APOLD1: variants seen among roughly 807,000 people sequenced by gnomAD.
The protein encoded by APOLD1 is apolipoprotein L domain containing 1.
A neutral mutation model predicts 15.3 loss-of-function variants in APOLD1; 22 were observed. The ratio of observed to expected loss-of-function variants is 1.44; its 90% CI spans 1.03 to 2.05. The LOEUF (loss-of-function observed/expected upper bound fraction) is 2.05, where lower values mean the gene tolerates loss of function less well. Ranked by LOEUF, APOLD1 falls within the 30% of genes most tolerant of loss-of-function variation. The pLI is 0.00. For synonymous variants in APOLD1, 190 were observed against 167.4 expected, an observed-to-expected ratio of 1.13 and a Z score of -1.04; for missense variants, 394 against 353.5, an observed-to-expected ratio of 1.11 and a Z score of -0.92.
At position 12,786,972 on chromosome 12, in the gene APOLD1, C is replaced by T. The variant is rs1418913058; in HGVS notation, c.67C>T (p.Leu23=). The T allele has an allele frequency of 7.5e-6, 11 of 1,457,588 alleles. No homozygotes were observed. In the Admixed American group the frequency reaches 1.9e-4, roughly 25 times the overall value. 90.3% of individuals were successfully genotyped at this position (1,457,588 alleles called of 1,614,324 possible). The part of the protein sequence containing the change: ...GPDALRRFQG[L]LLDRRGRLHG... ...CGACGCGCTGCGGCGCTTCCAGGGA[C>T]TGCTGCTGGACCGCCGAGGCCGGCT... The change falls in exon 2 of 2, where the codon CTG becomes TTG. Residue 23 remains leucine (L), a synonymous_variant. Coordinates refer to ENST00000356591, the MANE Select transcript of APOLD1 (RefSeq NM_030817.3).
intron 1 of APOLD1, among the ~76,000 whole-genome samples, chr12:12,739,324 T>C (rs1277028485): frequency 6.6e-6 from 1 of 152,232 alleles, no homozygotes; most frequent in African/African-American, 2.4e-5. Context: ...ATCGAGAAGA[T>C]GAGTGTTCTT....
chr12:12,779,796 C>T (rs1037016529), intron 1 of APOLD1, among the ~76,000 whole-genome samples: 4 of 152,170 alleles, frequency 2.6e-5, no homozygotes, highest in South Asian at 2.1e-4. Flanking sequence ...TCTGCAGGAA[C>T]GTTAAGTAGA....
At chr12:12,746,427 C>T (rs189593926) in intron 1 of APOLD1, among the ~76,000 whole-genome samples, 32 of 152,122 alleles carry the variant, frequency 2.1e-4, no homozygotes, top group Admixed American at 5.2e-4. Flanking sequence ...ACCTGGGAGA[C>T]GGAGGTTGCA....
chr12:12,736,882 G>A (rs924155867), intron 1 of APOLD1, among the ~76,000 whole-genome samples: 1 of 152,208 alleles, frequency 6.6e-6, no homozygotes, highest in African/African-American at 2.4e-5. Flanking sequence ...CTGAACCAGA[G>A]ATCCGAAGAA....
At chr12:12,766,176 G>T (rs1946941638) in intron 1 of APOLD1, among the ~76,000 whole-genome samples, 1 of 152,160 alleles carries the variant, frequency 6.6e-6, no homozygotes, top group Non-Finnish European at 1.5e-5. Context: ...CACAGATCCT[G>T]AGTTCCATAT....
chr12:12,782,799 C>T (rs745084), upstream of APOLD1, among the ~76,000 whole-genome samples: 120,080 of 152,214 alleles, frequency 0.79, 47,880 homozygotes, highest in East Asian at 0.87. Context: ...AAAGAGAAGT[C>T]TGAGGATGTG....
At chr12:12,764,846 T>A (rs1286543947) in intron 1 of APOLD1, 2 of 233,312 alleles carry the variant, frequency 8.6e-6, no homozygotes, top group Non-Finnish European at 2.0e-5. Flanking sequence ...TAAACTCTGC[T>A]GGGCTAACAA....
At chr12:12,751,152 C>T (rs1946809848) in intron 1 of APOLD1, among the ~76,000 whole-genome samples, 1 of 151,842 alleles carries the variant, frequency 6.6e-6, no homozygotes, top group African/African-American at 2.4e-5. Flanking sequence ...ATCGCCATTG[C>T]CTACCAGGGT....
intron 1 of APOLD1, among the ~76,000 whole-genome samples, chr12:12,774,546 CAAAAAAAAAAAAAAAAA>C (rs57343706): frequency 4.7e-5 from 2 of 42,288 alleles, no homozygotes; most frequent in South Asian, 1.3e-3. Flanking sequence ...ACTCTAACTC[CAAAAAAAAAAAAAAAAA>C]AAAAAAAAAA....
intron 1 of APOLD1, among the ~76,000 whole-genome samples, chr12:12,726,528 G>T (rs1484464901): frequency 6.6e-6 from 1 of 152,124 alleles, no homozygotes; most frequent in Non-Finnish European, 1.5e-5. Context: ...GATTCTCTCA[G>T]TCCCTATGTC....
intron 1 of APOLD1, among the ~76,000 whole-genome samples, chr12:12,730,711 A>G (rs1946633042): frequency 2.4e-5 from 2 of 82,890 alleles, no homozygotes; most frequent in African/African-American, 1.1e-4. Flanking sequence ...AAGAAAGAAA[A>G]AAGTTTTTTT....
At chr12:12,748,887 A>G (rs1427422708) in intron 1 of APOLD1, among the ~76,000 whole-genome samples, 2 of 152,186 alleles carry the variant, frequency 1.3e-5, no homozygotes, top group African/African-American at 4.8e-5. Flanking sequence ...ATGACTGAAG[A>G]TATTGCCATT....
At chr12:12,740,224 G>T (rs540202735) in intron 1 of APOLD1, among the ~76,000 whole-genome samples, 1 of 151,980 alleles carries the variant, frequency 6.6e-6, no homozygotes, top group South Asian at 2.1e-4. Flanking sequence ...CTCGTGATCC[G>T]CCTGCCTCAG....
chr12:12,740,750 T>C (rs776957284), intron 1 of APOLD1, among the ~76,000 whole-genome samples: 2 of 152,208 alleles, frequency 1.3e-5, no homozygotes, highest in Non-Finnish European at 2.9e-5. Context: ...TACCTGAAAA[T>C]TCTTACTAGG....
rs181507691 is a variant in APOLD1, at chr12:12,750,328, G to A, written c.96+24232G>A. ...CGGAGGTTGCAGTGAACCAAGATCG[G>A]GCCATTGCATTTCAGCCTGGTCAAC... On this transcript the variant is annotated intron_variant, in intron 1 of 1. Transcript: ENST00000326765. 6.7e-4 allele frequency among the ~76,000 whole-genome samples: 88 copies of A among 131,508 alleles called. No individual in the cohort carries two copies. In the East Asian group the frequency reaches 0.01, roughly 15 times the overall value. The allele number at this position is 131,508 out of a possible 152,430, so 86.3% of individuals were successfully genotyped here.
At chr12:12,744,041 C>T (rs569808566) in intron 1 of APOLD1, among the ~76,000 whole-genome samples, 2 of 152,256 alleles carry the variant, frequency 1.3e-5, no homozygotes, top group Admixed American at 6.5e-5. Flanking sequence ...GATGGCTGGG[C>T]GTGGTGGCTC....
At chr12:12,738,307 C>G (rs1946705618) in intron 1 of APOLD1, among the ~76,000 whole-genome samples, 2 of 150,632 alleles carry the variant, frequency 1.3e-5, no homozygotes, top group African/African-American at 4.9e-5. Flanking sequence ...CTCTTGGGCT[C>G]AGGCAGTCCT....
intron 1 of APOLD1, among the ~76,000 whole-genome samples, chr12:12,752,403 G>A (rs1946818961): frequency 6.6e-6 from 1 of 152,176 alleles, no homozygotes; most frequent in African/African-American, 2.4e-5. Context: ...CTGTGGTTCA[G>A]TATTAGCATT....
chr12:12,782,249 A>G (rs538625929), upstream of APOLD1, among the ~76,000 whole-genome samples: 3 of 143,624 alleles, frequency 2.1e-5, no homozygotes, highest in South Asian at 7.0e-4. Context: ...ACAGAGCAAG[A>G]CTCCGTCTCA....
Sources: allele counts gnomAD v4.1 joint callset (sites outside exome capture counted in the v4.1 genomes callset), GRCh38; gene constraint gnomAD v4.1.1; transcripts MANE v1.5; gene names NCBI Gene and HGNC (gene_info 2026-07-23, HGNC 2026-07-21).